Variants in SCNN1B observed in about 807,000 individuals in gnomAD.
The protein encoded by SCNN1B is sodium channel epithelial 1 subunit beta.
In SCNN1B, 46 loss-of-function variants were observed where a neutral mutation model predicts 65.3. The observed-to-expected ratio is 0.70, with a 90% CI of 0.56 to 0.90. The LOEUF (loss-of-function observed/expected upper bound fraction) is 0.90, where lower values mean the gene tolerates loss of function less well. Ranked by LOEUF, SCNN1B falls within the 40% of genes least tolerant of loss-of-function variation. The probability of loss-of-function intolerance (pLI) is 0.00; values close to 1 mark genes in which losing one functional copy is unlikely to be tolerated. For missense variants in SCNN1B, 751 were observed against 830.5 expected, an observed-to-expected ratio of 0.90 and a Z score of 1.18; for synonymous variants, 349 against 330.6, an observed-to-expected ratio of 1.06 and a Z score of -0.60.
chr16:23,364,158 C>T (rs1404370112), intron 4 of SCNN1B, among the ~76,000 whole-genome samples: 4 of 152,108 alleles, frequency 2.6e-5, no homozygotes, highest in African/African-American at 9.7e-5. Flanking sequence ...AAGAGTGAAA[C>T]TCCATCTCAA....
intron 4 of SCNN1B, among the ~76,000 whole-genome samples, chr16:23,363,128 C>CGATGCT (rs1830383198): frequency 6.6e-6 from 1 of 152,208 alleles, no homozygotes; most frequent in South Asian, 2.1e-4. Context: ...TTATCTCTGT[C>CGATGCT]GATGCTCTTA....
intron 1 of SCNN1B, among the ~76,000 whole-genome samples, chr16:23,345,009 A>AAG (rs112886828): frequency 0.097 from 14,467 of 148,620 alleles, 1,767 homozygotes; most frequent in African/African-American, 0.27. Context: ...AGGAGAGAGA[A>AAG]AGAGAGAGAG....
At chr16:23,326,002 G>A (rs1961688962) in intron 1 of SCNN1B, among the ~76,000 whole-genome samples, 2 of 152,072 alleles carry the variant, frequency 1.3e-5, no homozygotes, top group South Asian at 4.2e-4. Context: ...TTGAGCCAGG[G>A]AGTTTGAGGC....
At chr16:23,354,921 T>C (rs1002168400) in intron 3 of SCNN1B, among the ~76,000 whole-genome samples, 22 of 152,146 alleles carry the variant, frequency 1.4e-4, no homozygotes, top group African/African-American at 2.2e-4. Flanking sequence ...GGCTGGTGGC[T>C]GTAAACTGAG....
At chr16:23,371,928 G>A (rs1231316516) in intron 7 of SCNN1B, 45 bp downstream of exon 7, 3 of 1,368,150 alleles carry the variant, frequency 2.2e-6, no homozygotes, top group Non-Finnish European at 3.1e-6. Context: ...CCCTGTCCGG[G>A]TTTATGGGGC....
intron 2 of SCNN1B, among the ~76,000 whole-genome samples, chr16:23,295,277 G>C (rs1960979822): frequency 6.6e-6 from 1 of 151,826 alleles, no homozygotes; most frequent in East Asian, 1.9e-4. Context: ...GGAGTGCAGT[G>C]GTGTGATCAT....
intron 1 of SCNN1B, among the ~76,000 whole-genome samples, chr16:23,316,668 CCAT>C (rs1221593601): frequency 8.7e-5 from 13 of 149,490 alleles, no homozygotes; most frequent in Admixed American, 8.0e-4. Flanking sequence ...ACCATCCTCA[CCAT>C]CATCACCATC....
At position 23,348,453 on chromosome 16, in the gene SCNN1B, A is replaced by AAGGG. The variant is rs1295609479; in HGVS notation, c.-8-126_-8-123dup. Reference sequence around the variant, plus strand: ...AAAGGAAGGAAGAAAAGAAGGAAAAAAGGGAGGGAGGGAGGGGGGAGGGTA... The same window carrying AAGGG: ...AAAGGAAGGAAGAAAAGAAGGAAAAAAGGGAGGGAGGGAGGGAGGGGGGAGGGTA... On this transcript the variant is annotated intron_variant, in intron 1 of 12. Coordinates refer to ENST00000343070, the MANE Select transcript of SCNN1B (RefSeq NM_000336.3). This position sits in a 1 kb window ranked among gnomAD's most constrained non-coding sequence, Gnocchi z 4.5. 4.7e-6 allele frequency: 3 copies of AAGGG among 640,942 alleles called. No homozygotes were observed. The highest frequency in any genetic ancestry group is 2.5e-5 in the African/African-American group (1 of 39,762). 39.7% of individuals were successfully genotyped at this position (640,942 alleles called of 1,614,324 possible).
In SCNN1B at chr16:23,348,389, G is replaced by T. The variant is rs960449568; in HGVS notation, c.-8-203G>T. On this transcript the variant is annotated intron_variant, in intron 1 of 12. Coordinates refer to ENST00000343070, the MANE Select transcript of SCNN1B (RefSeq NM_000336.3). The surrounding 1 kb of genome is among the most constrained non-coding windows in gnomAD (Gnocchi z 4.5). ...AGTAGGCATTCAATAAATGCATTTT[G>T]GTTGATTAGATGGATGGATGGATTG... is the stretch of plus-strand genomic sequence containing the variant. 2.0e-5 allele frequency among the ~76,000 whole-genome samples: 3 copies of T among 148,514 alleles called. No individual in the cohort carries two copies. The highest frequency in any genetic ancestry group is 4.5e-5 in the Non-Finnish European group (3 of 67,384).
chr16:23,311,348 T>C (rs1457585080), intron 1 of SCNN1B, among the ~76,000 whole-genome samples: 1 of 152,170 alleles, frequency 6.6e-6, no homozygotes. Context: ...GACTAAGATC[T>C]GGAAAGTCTT....
intron 8 of SCNN1B, 86 bp from the exon 9 acceptor site, chr16:23,377,079 A>G: frequency 1.6e-6 from 2 of 1,212,570 alleles, no homozygotes; most frequent in East Asian, 2.5e-5. Flanking sequence ...AGGAGAGCAG[A>G]GGGGCCAGCC....
intron 5 of SCNN1B, among the ~76,000 whole-genome samples, chr16:23,370,840 C>A (rs1019960690): frequency 1.3e-5 from 2 of 152,134 alleles, no homozygotes; most frequent in Non-Finnish European, 1.5e-5. Context: ...AATTCCAGAG[C>A]AAGGAACAGC....
rs770539329 is a variant in SCNN1B, at chr16:23,326,384, G to A, written c.-8-22208G>A. Among the ~76,000 whole-genome samples, 14 of 151,726 alleles carry A rather than the reference G, an allele frequency of 9.2e-5. No individual in the cohort carries two copies. In the East Asian group the frequency reaches 1.2e-3, roughly 13 times the overall value. On this transcript the variant is annotated intron_variant, in intron 1 of 12. Coordinates refer to ENST00000343070, the MANE Select transcript of SCNN1B (RefSeq NM_000336.3). ...CTACCCAGAGATAATCATTATAAAC[G>A]TTCTGGTTAATGCCATCTGTGTTAT...
intron 1 of SCNN1B, among the ~76,000 whole-genome samples, chr16:23,336,975 G>A (rs1481961105): frequency 6.6e-6 from 1 of 152,108 alleles, no homozygotes; most frequent in Non-Finnish European, 1.5e-5. Context: ...GAATTAGCAG[G>A]TAGTTAGAGG....
chr16:23,346,950 C>G (rs1006653216), intron 1 of SCNN1B, among the ~76,000 whole-genome samples: 4 of 152,094 alleles, frequency 2.6e-5, no homozygotes, highest in African/African-American at 9.7e-5. Flanking sequence ...AACTGAAGGA[C>G]TGAGAAGGAG....
At chr16:23,367,770 G>A in intron 4 of SCNN1B, 86 bp from the exon 5 acceptor site, 1 of 1,062,220 alleles carries the variant, frequency 9.4e-7, no homozygotes, top group Non-Finnish European at 1.5e-6. Flanking sequence ...CCCCTCCAAG[G>A]AGGAAATGAA....
chr16:23,301,623 G>C (rs914465840), upstream of SCNN1B, among the ~76,000 whole-genome samples: 27 of 152,310 alleles, frequency 1.8e-4, no homozygotes, highest in African/African-American at 6.5e-4. Context: ...AAAAGAAAAG[G>C]AAGGGAAGAT....
At chr16:23,279,881 G>C (rs1325974374) in intron 1 of SCNN1B, among the ~76,000 whole-genome samples, 1 of 152,166 alleles carries the variant, frequency 6.6e-6, no homozygotes, top group Non-Finnish European at 1.5e-5. Context: ...AGCCCCTGGA[G>C]AACAACAGCT....
intron 2 of SCNN1B, among the ~76,000 whole-genome samples, chr16:23,287,613 G>T (rs1189572024): frequency 6.6e-6 from 1 of 151,826 alleles, no homozygotes; most frequent in Non-Finnish European, 1.5e-5. Context: ...TAGTCCCAGG[G>T]GGTGGCCTAC....
Sources: gnomAD v4.1 joint callset for allele counts (sites outside exome capture counted in the v4.1 genomes callset) on GRCh38, gnomAD v4.1.1 for gene constraint, Gnocchi (gnomAD v3.1) non-coding constraint, MANE v1.5 for transcripts, NCBI Gene and HGNC (gene_info 2026-07-23, HGNC 2026-07-21) for gene names.